The following LRMDA variants were observed in gnomAD, a reference collection of about 807,000 sequenced individuals.
LRMDA encodes leucine-rich melanocyte differentiation-associated protein.
In LRMDA, 18 loss-of-function variants were observed where a neutral mutation model predicts 29.8. The observed-to-expected ratio is 0.60, with a 90% CI of 0.42 to 0.90. The LOEUF (loss-of-function observed/expected upper bound fraction) is 0.90. LRMDA is among the 40% of genes least tolerant of loss of function. LRMDA has a pLI of 0.00. For missense variants in LRMDA, 273 were observed against 273.9 expected (o/e 1.00, Z 0.02); for synonymous variants, 125 against 109.4 (o/e 1.14, Z -0.89).
At chr10:75,586,420 T>C (rs990127694) in intron 2 of LRMDA, among the ~76,000 whole-genome samples, 1 of 140,754 alleles carries the variant, frequency 7.1e-6, no homozygotes, top group Non-Finnish European at 1.5e-5. Context: ...TGCAGTGGTG[T>C]GATCACAGCT....
In LRMDA at chr10:75,525,797, A is replaced by G. The variant is rs371392192; in HGVS notation, c.131+87303A>G. On this transcript the variant is annotated intron_variant, in intron 2 of 6. Transcript: ENST00000611255. ...CTTCTCTCTTAGGGTATTTCTTACC[A>G]AACTCTGATTCAGTGTTTATTATAA... Among the ~76,000 whole-genome samples, 14 of 151,578 alleles carry G rather than the reference A, an allele frequency of 9.2e-5. No individual in the cohort carries two copies. The East Asian group carries it at 1.9e-3, about 21-fold the overall frequency.
chr10:76,127,371 C>T, intron 5 of LRMDA, among the ~76,000 whole-genome samples: 1 of 152,210 alleles, frequency 6.6e-6, no homozygotes, highest in East Asian at 1.9e-4. Context: ...CCCACGCCAG[C>T]CATCTTCCTG....
At chr10:76,472,719 G>A (rs547064572) in intron 6 of LRMDA, among the ~76,000 whole-genome samples, 99 of 151,634 alleles carry the variant, frequency 6.5e-4, no homozygotes, top group African/African-American at 2.3e-3. Flanking sequence ...CAACCTGACA[G>A]AAATAAAGGA....
intron 6 of LRMDA, among the ~76,000 whole-genome samples, chr10:76,329,453 T>G (rs1222869855): frequency 6.6e-6 from 1 of 152,186 alleles, no homozygotes; most frequent in Non-Finnish European, 1.5e-5. Context: ...ATAGTTAGCT[T>G]GCCATATTAA....
intron 5 of LRMDA, among the ~76,000 whole-genome samples, chr10:76,252,822 T>C (rs572004673): frequency 6.6e-6 from 1 of 152,318 alleles, no homozygotes; most frequent in East Asian, 1.9e-4. Flanking sequence ...AATCAGTGGC[T>C]TTAGAAAAAC....
intron 2 of LRMDA, among the ~76,000 whole-genome samples, chr10:75,934,576 G>A (rs1846256501): frequency 6.6e-6 from 1 of 152,182 alleles, no homozygotes; most frequent in Non-Finnish European, 1.5e-5. Context: ...GGGTAACAGT[G>A]AGAACCTTGA....
intron 5 of LRMDA, among the ~76,000 whole-genome samples, chr10:76,210,591 G>A (rs1030318311): frequency 4.6e-5 from 7 of 152,114 alleles, no homozygotes; most frequent in South Asian, 2.1e-4. Context: ...TTGAAATGGC[G>A]GTGGCCAATA....
intron 2 of LRMDA, among the ~76,000 whole-genome samples, chr10:75,797,499 A>G (rs186200128): frequency 9.8e-5 from 15 of 152,314 alleles, no homozygotes; most frequent in Non-Finnish European, 8.8e-5. Flanking sequence ...ATCCAATATT[A>G]GAAGATTTCT....
At chr10:75,438,516 T>C in intron 2 of LRMDA, 22 bp downstream of exon 2, 1 of 1,541,942 alleles carries the variant, frequency 6.5e-7, no homozygotes, top group Non-Finnish European at 8.8e-7. Context: ...TCACAAGATG[T>C]AGGCCAGGCC....
At chr10:76,511,656 A>G (rs1437787342) in intron 6 of LRMDA, among the ~76,000 whole-genome samples, 3 of 151,298 alleles carry the variant, frequency 2.0e-5, no homozygotes, top group African/African-American at 7.3e-5. Context: ...TATTAAATAT[A>G]TAGGAATAAA....
At chr10:75,481,214 G>A (rs1844852613) in intron 2 of LRMDA, among the ~76,000 whole-genome samples, 1 of 152,092 alleles carries the variant, frequency 6.6e-6, no homozygotes, top group Non-Finnish European at 1.5e-5. Context: ...GCTTGGGGTT[G>A]GGTGGGGCAG....
rs1467848680 is a variant in LRMDA, at chr10:75,749,913, A to G, written c.132-286095A>G. Among the ~76,000 whole-genome samples, 6 of 152,346 alleles carry G rather than the reference A, an allele frequency of 3.9e-5. No homozygotes were observed. The South Asian group carries it at 1.2e-3, about 32-fold the overall frequency. On this transcript the variant is annotated intron_variant, in intron 2 of 6. Transcript: ENST00000611255. Reference sequence around the variant, plus strand: ...TTAATCCATTTAACCCTGAGTGGACACACCACATGTTTCAGAGAGCACGGG... The same window carrying G: ...TTAATCCATTTAACCCTGAGTGGACGCACCACATGTTTCAGAGAGCACGGG...
intron 5 of LRMDA, among the ~76,000 whole-genome samples, chr10:76,191,388 C>T (rs542397642): frequency 6.6e-5 from 10 of 152,268 alleles, no homozygotes; most frequent in East Asian, 5.8e-4. Context: ...TTGAAATGAG[C>T]GGCTATTTAC....
chr10:75,589,340 C>A (rs1264490113), intron 2 of LRMDA, among the ~76,000 whole-genome samples: 1 of 152,084 alleles, frequency 6.6e-6, no homozygotes, highest in East Asian at 1.9e-4. Flanking sequence ...ATTTGCATTT[C>A]TCTTATTATG....
chr10:76,186,708 G>T (rs868387352), intron 5 of LRMDA, among the ~76,000 whole-genome samples: 1 of 152,172 alleles, frequency 6.6e-6, no homozygotes, highest in Admixed American at 6.5e-5. Context: ...TGTGTGCTAG[G>T]TAGGATACTA....
intron 2 of LRMDA, among the ~76,000 whole-genome samples, chr10:75,645,886 G>A (rs1039483307): frequency 2.0e-5 from 3 of 151,900 alleles, no homozygotes; most frequent in South Asian, 2.1e-4. Flanking sequence ...TCTGTGTCCT[G>A]CCTTTTCTAT....
intron 2 of LRMDA, among the ~76,000 whole-genome samples, chr10:75,491,855 A>G (rs2132061406): frequency 6.6e-6 from 1 of 152,326 alleles, no homozygotes; most frequent in African/African-American, 2.4e-5. Context: ...TTCATCTTAT[A>G]AAACTCCGTG....
intron 2 of LRMDA, among the ~76,000 whole-genome samples, chr10:75,524,207 T>C (rs976774254): frequency 6.6e-6 from 1 of 152,134 alleles, no homozygotes; most frequent in Non-Finnish European, 1.5e-5. Context: ...GGAAGAGACA[T>C]TTTGGAAGAG....
chr10:75,710,765 G>A lies in LRMDA; in HGVS notation c.131+272271G>A, dbSNP rs370077560. ...ACTGAAACGCAGGGAGGTCTTGCAT[G>A]CTCCCAATTCTCCTCTTTTCTTTTT... On this transcript the variant is annotated intron_variant, in intron 2 of 6. Transcript: ENST00000611255. Among the ~76,000 whole-genome samples, 4 of 152,368 alleles carry A rather than the reference G, an allele frequency of 2.6e-5. No individual in the cohort carries two copies. The East Asian group carries it at 5.8e-4, about 22-fold the overall frequency.
Sources: allele counts gnomAD v4.1 joint callset (sites outside exome capture counted in the v4.1 genomes callset), GRCh38; gene constraint gnomAD v4.1.1; transcripts MANE v1.5; gene names NCBI Gene and HGNC (gene_info 2026-07-23, HGNC 2026-07-21).